Variants in TACR1 observed in about 807,000 individuals in gnomAD.
The protein encoded by TACR1 is substance-P receptor.
In TACR1, 25 loss-of-function variants were observed where a neutral mutation model predicts 35.8. The observed-to-expected ratio is 0.70, with a 90% CI of 0.51 to 0.98. The LOEUF is 0.98. Among genes scored for constraint, TACR1 ranks in the 50% least tolerant of loss-of-function variants. The probability of loss-of-function intolerance (pLI) is 0.00; values close to 1 mark genes in which losing one functional copy is unlikely to be tolerated. For synonymous variants in TACR1, 195 were observed against 206.7 expected, an observed-to-expected ratio of 0.94 and a Z score of 0.48; for missense variants, 478 against 522.9, an observed-to-expected ratio of 0.91 and a Z score of 0.84.
intron 2 of TACR1, among the ~76,000 whole-genome samples, chr2:75,105,890 C>T (rs940677922): frequency 3.3e-5 from 5 of 151,878 alleles, no homozygotes; most frequent in African/African-American, 9.7e-5. Context: ...CAAGGGAAGT[C>T]TGAGAAACTG....
chr2:75,167,915 TA>T (rs892318237), intron 1 of TACR1, among the ~76,000 whole-genome samples: 80 of 151,486 alleles, frequency 5.3e-4, no homozygotes, highest in South Asian at 1.3e-3. Context: ...TTGTCAAATA[TA>T]AAAAAAAATT....
At chr2:75,107,808 A>G (rs896339207) in intron 2 of TACR1, among the ~76,000 whole-genome samples, 4 of 151,992 alleles carry the variant, frequency 2.6e-5, no homozygotes, top group African/African-American at 9.6e-5. Flanking sequence ...GAAAATGTGC[A>G]TTTAAACGAA....
intron 2 of TACR1, among the ~76,000 whole-genome samples, chr2:75,075,139 G>A (rs897817138): frequency 2.0e-5 from 3 of 152,130 alleles, no homozygotes; most frequent in Non-Finnish European, 4.4e-5. Flanking sequence ...GCTGAGAAGC[G>A]GCATTCTACA....
At chr2:75,104,302 A>AATATAATT (rs1206106910) in intron 2 of TACR1, among the ~76,000 whole-genome samples, 7 of 152,080 alleles carry the variant, frequency 4.6e-5, no homozygotes, top group Admixed American at 2.0e-4. Context: ...AGAGGAAAAT[A>AATATAATT]ATATAATTAT....
Position 75,049,585 on chromosome 2 carries a change from G to A in TACR1, c.1071C>T (p.Thr357=), listed in dbSNP as rs1672428152. ...CGTGGGCCCCCACCACTGTGGAGATGGTGGTCTCCAGGCGGCTGACTTTGT... is the reference window on the plus strand; with the variant it reads ...CGTGGGCCCCCACCACTGTGGAGATAGTGGTCTCCAGGCGGCTGACTTTGT... ...SVYKVSRLET[T]ISTVVGAHEE... The change falls in exon 5 of 5, where the codon ACC becomes ACT. Residue 357 remains threonine (T), a synonymous_variant. Coordinates refer to ENST00000305249, the MANE Select transcript of TACR1 (RefSeq NM_001058.4). The A allele has an allele frequency of 1.2e-6, 2 of 1,614,138 alleles. No individual in the cohort carries two copies. Among genetic ancestry groups the A allele is most frequent in the Non-Finnish European group, 1.7e-6 (2 of 1,179,996 alleles).
chr2:75,074,688 T>C (rs185910847), intron 2 of TACR1, among the ~76,000 whole-genome samples: 1 of 151,930 alleles, frequency 6.6e-6, no homozygotes, highest in African/African-American at 2.4e-5. Context: ...CAGGGATTTT[T>C]TTTTTCTTCC....
rs1672428246 is a variant in TACR1 at position 75,049,589 on chromosome 2, G to T, written c.1067C>A (p.Thr356Asn). Residue 356 changes from threonine to asparagine, a missense_variant, in exon 5 of 5, where the codon ACC becomes AAC. Physicochemically the swap from Thr to Asn is moderately conservative, Grantham distance 65. Coordinates refer to ENST00000305249, the MANE Select transcript of TACR1 (RefSeq NM_001058.4). ...GSVYKVSRLE[T>N]TISTVVGAHE... ...GGCCCCCACCACTGTGGAGATGGTGGTCTCCAGGCGGCTGACTTTGTACAC... is the reference window on the plus strand; with the variant it reads ...GGCCCCCACCACTGTGGAGATGGTGTTCTCCAGGCGGCTGACTTTGTACAC... The T allele has an allele frequency of 6.2e-7, 1 of 1,614,022 alleles. No individual in the cohort carries two copies. The highest frequency in any genetic ancestry group is 2.2e-5 in the East Asian group (1 of 44,890).
rs1572919384 is a variant in TACR1, at chr2:75,083,850, T to G, written c.585-30095A>C. On this transcript the variant is annotated intron_variant, in intron 2 of 4. Transcript: ENST00000305249. ...GGCTGAGACCATGGGGTTTTCTAGATATACAATCATGTCATCTGCAAACAG... is the reference window on the plus strand; with the variant it reads ...GGCTGAGACCATGGGGTTTTCTAGAGATACAATCATGTCATCTGCAAACAG... Among the ~76,000 whole-genome samples the G allele has an allele frequency of 4.6e-5, 7 of 152,326 alleles. No homozygotes were observed. In the South Asian group the frequency reaches 1.5e-3, roughly 32 times the overall value.
At chr2:75,164,196 G>A (rs986340893) in intron 1 of TACR1, among the ~76,000 whole-genome samples, 3 of 151,774 alleles carry the variant, frequency 2.0e-5, no homozygotes, top group Non-Finnish European at 2.9e-5. Context: ...GCGTGGTGGC[G>A]GGCACCTGTG....
chr2:75,127,741 G>C (rs1214933475), intron 1 of TACR1, among the ~76,000 whole-genome samples: 1 of 152,156 alleles, frequency 6.6e-6, no homozygotes, highest in Non-Finnish European at 1.5e-5. Flanking sequence ...CCTGATGTAG[G>C]AGCTCATGAG....
At chr2:75,084,535 C>T (rs746113438) in intron 2 of TACR1, among the ~76,000 whole-genome samples, 21 of 152,268 alleles carry the variant, frequency 1.4e-4, no homozygotes, top group Middle Eastern at 3.4e-3. Context: ...TGGTAGAATT[C>T]GGCTGTGAGT....
rs532105873 is a variant in TACR1 at position 75,135,616 on chromosome 2, T to G, written c.390-14848A>C. Among the ~76,000 whole-genome samples the G allele has an allele frequency of 2.0e-5, 3 of 152,314 alleles. No individual in the cohort carries two copies. The East Asian group carries it at 5.8e-4, about 29-fold the overall frequency. ...CAGTGGCGTCGGCTTAATAGCTGCT[T>G]CAAGGATGGAAATACTCAGTTTATA... On this transcript the variant is annotated intron_variant, in intron 1 of 4. Coordinates refer to ENST00000305249, the MANE Select transcript of TACR1 (RefSeq NM_001058.4).
chr2:75,091,201 CAAAAAAAAAAA>C (rs1184236584), intron 2 of TACR1, among the ~76,000 whole-genome samples: 1 of 63,416 alleles, frequency 1.6e-5, no homozygotes, highest in African/African-American at 5.5e-5. Flanking sequence ...CTCGTAGGTG[CAAAAAAAAAAA>C]AAAAAAAAAA....
chr2:75,090,812 C>G (rs1293814913), intron 2 of TACR1: 1 of 153,980 alleles, frequency 6.5e-6, no homozygotes, highest in Non-Finnish European at 1.5e-5. Flanking sequence ...GTCATCCTCT[C>G]TGAAGAGTAG....
intron 4 of TACR1, 181 bp downstream of exon 4, chr2:75,051,070 G>C: frequency 1.4e-6 from 1 of 716,122 alleles, no homozygotes; most frequent in South Asian, 1.9e-5. Context: ...TCCACTCCGG[G>C]CTCCCATTCC....
Position 75,047,199 on chromosome 2 carries a change from C to G in TACR1, c.*2233G>C, listed in dbSNP as rs1351092628. On this transcript the variant is annotated 3_prime_UTR_variant, in exon 5 of 5. Coordinates refer to ENST00000305249, the MANE Select transcript of TACR1 (RefSeq NM_001058.4). The stretch of plus-strand genomic sequence containing the variant: ...GGTCCCCTGGACTGACTGCCAGCTC[C>G]CTTTGGAAGTACCCCAGAGAACTCT... 2 of 152,248 alleles carry G rather than the reference C, an allele frequency of 1.3e-5. No homozygotes were observed. The highest frequency in any genetic ancestry group is 3.8e-4 in the East Asian group (2 of 5,196). The allele number at this position is 152,248 out of a possible 1,614,324, so 9.4% of individuals were successfully genotyped here. A position where few individuals can be genotyped will look rare whatever the true frequency, so the allele number is the denominator to read the frequency against.
In TACR1 at chr2:75,047,160, A is replaced by C. The variant is rs572923041; in HGVS notation, c.*2272T>G. On this transcript the variant is annotated 3_prime_UTR_variant, in exon 5 of 5. Transcript: ENST00000305249. The stretch of plus-strand genomic sequence containing the variant: ...CTATGCACAGAGATGATACTGTTCA[A>C]CCAAATTCCTTTAGGTCCCCTGGAC... The C allele has an allele frequency of 6.6e-6, 1 of 152,224 alleles. No individual in the cohort carries two copies. The highest frequency in any genetic ancestry group is 6.5e-5 in the Admixed American group (1 of 15,286). The allele number at this position is 152,224 out of a possible 1,614,324, so 9.4% of individuals were successfully genotyped here.
At chr2:75,101,018 A>G (rs1452450700) in intron 2 of TACR1, among the ~76,000 whole-genome samples, 1 of 152,120 alleles carries the variant, frequency 6.6e-6, no homozygotes, top group Admixed American at 6.5e-5. Context: ...CCAGACAACC[A>G]TGATGAAAAA....
rs189142687 is a variant in TACR1, at chr2:75,123,996, G to C, written c.390-3228C>G. Among the ~76,000 whole-genome samples, 409 of 152,310 alleles carry C rather than the reference G, an allele frequency of 2.7e-3. 1 individual carries two copies. Among genetic ancestry groups the C allele is most frequent in the South Asian group, 5.4e-3 (26 of 4,826 alleles). On this transcript the variant is annotated intron_variant, in intron 1 of 4. Transcript: ENST00000305249. ...TACATTCAATAAATATTTATTGACT[G>C]CACCGTGCTCGTGGGACTCTAAGGC... is the stretch of plus-strand genomic sequence containing the variant.
Sources: gnomAD v4.1 joint callset for allele counts (sites outside exome capture counted in the v4.1 genomes callset) on GRCh38, gnomAD v4.1.1 for gene constraint, MANE v1.5 for transcripts, NCBI Gene and HGNC (gene_info 2026-07-23, HGNC 2026-07-21) for gene names.